Variants in BPTF observed in about 807,000 individuals in gnomAD.
BPTF encodes the protein nucleosome-remodeling factor subunit BPTF.
A neutral mutation model predicts 292.5 loss-of-function variants in BPTF; 18 were observed. The ratio of observed to expected loss-of-function variants is 0.06; its 90% CI spans 0.04 to 0.09. BPTF has a LOEUF of 0.09. Among genes scored for constraint, BPTF ranks in the 10% least tolerant of loss-of-function variants. The pLI, the probability that BPTF is intolerant of heterozygous loss-of-function variation, is 1.00. For missense variants in BPTF, 2,726 were observed against 3,498.7 expected (o/e 0.78, Z 5.57); for synonymous variants, 1,225 against 1,251.9 (o/e 0.98, Z 0.45).
intron 2 of BPTF, among the ~76,000 whole-genome samples, chr17:67,855,158 A>G (rs2145023593): frequency 6.6e-6 from 1 of 152,222 alleles, no homozygotes; most frequent in Non-Finnish European, 1.5e-5. Flanking sequence ...AAACTTAGCC[A>G]GGTGTGGTGG....
intron 26 of BPTF, among the ~76,000 whole-genome samples, chr17:67,971,997 A>G (rs1449782162): frequency 2.0e-5 from 3 of 152,140 alleles, no homozygotes; most frequent in South Asian, 4.1e-4. Context: ...TTTCAAAAGT[A>G]GTGTGTTTTA....
At chr17:67,978,264 C>G (rs2148653921) in intron 27 of BPTF, among the ~76,000 whole-genome samples, 1 of 150,302 alleles carries the variant, frequency 6.7e-6, no homozygotes, top group Admixed American at 6.7e-5. Flanking sequence ...AGTGCTGGGG[C>G]TGTGAACCAC....
chr17:67,906,074 G>T (rs995637280), intron 9 of BPTF, among the ~76,000 whole-genome samples: 10 of 151,866 alleles, frequency 6.6e-5, no homozygotes, highest in African/African-American at 2.4e-4. Context: ...GGTTTTTTTT[G>T]GGGGGAGGGG....
chr17:67,857,557 C>A (rs1032528207), intron 2 of BPTF, among the ~76,000 whole-genome samples: 1 of 151,426 alleles, frequency 6.6e-6, no homozygotes, highest in East Asian at 2.0e-4. Context: ...GCCTCGACCT[C>A]CTGGGCTCAA....
At chr17:67,849,976 T>G in intron 1 of BPTF, among the ~76,000 whole-genome samples, 1 of 152,122 alleles carries the variant, frequency 6.6e-6, no homozygotes, top group East Asian at 1.9e-4. Context: ...GACTCTATTC[T>G]AGGCCTATTG....
intron 1 of BPTF, among the ~76,000 whole-genome samples, chr17:67,836,711 C>A (rs2144144212): frequency 1.3e-5 from 2 of 152,284 alleles, no homozygotes; most frequent in South Asian, 4.1e-4. Context: ...ATCAAGAGAA[C>A]AAGTAGGCAG....
intron 23 of BPTF, chr17:67,956,582 T>G (rs1555681143): frequency 6.7e-6 from 1 of 148,964 alleles, no homozygotes; most frequent in Admixed American, 6.8e-5. Flanking sequence ...CCTCCCAGAG[T>G]GCTGGGATTA....
Position 67,826,129 on chromosome 17 carries a change from G to C in BPTF, c.405G>C (p.Glu135Asp). 1 of 1,424,756 alleles carries C rather than the reference G, an allele frequency of 7.0e-7. No individual in the cohort carries two copies. The highest frequency in any genetic ancestry group is 1.2e-5 in the South Asian group (1 of 86,512). 88.3% of individuals were successfully genotyped at this position (1,424,756 alleles called of 1,614,324 possible). A position where few individuals can be genotyped will look rare whatever the true frequency, so the allele number is the denominator to read the frequency against. Reference sequence around the variant, plus strand: ...ATGACCACGAGAGCGAGGAGGAGGAGGAAGAGGAGGACATGGTCTCCGAGG... The same window carrying C: ...ATGACCACGAGAGCGAGGAGGAGGACGAAGAGGAGGACATGGTCTCCGAGG... ...VYDDHESEEE[E>D]EEEDMVSEEE... is the part of the protein sequence containing the mutation. The change falls in exon 1 of 28, where the codon GAG becomes GAC. Residue 135 changes from glutamate to aspartate, a missense_variant. This residue lies in a region of BPTF where 153 missense variants were observed against 178.3 expected (regional missense o/e 0.86). Coordinates refer to ENST00000306378, the MANE Select transcript of BPTF (RefSeq NM_182641.4).
At chr17:67,941,754 T>C (rs2065383271) in intron 19 of BPTF, among the ~76,000 whole-genome samples, 1 of 152,166 alleles carries the variant, frequency 6.6e-6, no homozygotes, top group Non-Finnish European at 1.5e-5. Context: ...AAGGTAAAAC[T>C]ATAATACCTT....
rs781358774 is a variant in BPTF at position 67,826,059 on chromosome 17, C to G, written c.335C>G (p.Ala112Gly). ...GGCGGGGGCGGCGGCGGCCACCTGG[C>G]CCGGACCACCGCGGCCCGGAGGGCC... ...TGGGGGGGHL[A>G]RTTAARRAVN... is the part of the protein sequence containing the mutation. The change falls in exon 1 of 28, where the codon GCC (alanine) becomes GGC (glycine). Residue 112 changes from alanine to glycine, a missense_variant. By Grantham distance (60) the Ala-to-Gly change is moderately conservative. Coordinates refer to ENST00000306378, the MANE Select transcript of BPTF (RefSeq NM_182641.4). 6 of 1,263,220 alleles carry G rather than the reference C, an allele frequency of 4.7e-6. No homozygotes were observed. Among genetic ancestry groups the G allele is most frequent in the African/African-American group, 1.6e-5 (1 of 64,112 alleles). The allele number at this position is 1,263,220 out of a possible 1,614,324, so 78.3% of individuals were successfully genotyped here.
chr17:67,881,641 C>T (rs1045806252), intron 4 of BPTF, among the ~76,000 whole-genome samples: 1 of 150,966 alleles, frequency 6.6e-6, no homozygotes, highest in African/African-American at 2.4e-5. Context: ...GTAGCCAGGA[C>T]TATAGACGCG....
At position 67,920,161 on chromosome 17, in the gene BPTF, A is replaced by G. The variant is rs539109781; in HGVS notation, c.5557+18A>G. Reference sequence around the variant, plus strand: ...ACCAAAAGGTAAGAAATAGAATTCTATTCTTTCATGATTAACCTGTTAACC... The same window carrying G: ...ACCAAAAGGTAAGAAATAGAATTCTGTTCTTTCATGATTAACCTGTTAACC... On this transcript the variant is annotated intron_variant, in intron 13 of 27. Transcript: ENST00000306378. The G allele has an allele frequency of 3.1e-5, 50 of 1,603,606 alleles. No homozygotes were observed. The highest frequency in any genetic ancestry group is 1.7e-4 in the Middle Eastern group (1 of 6,042).
At chr17:67,831,281 C>T (rs1355255843) in intron 1 of BPTF, among the ~76,000 whole-genome samples, 1 of 152,088 alleles carries the variant, frequency 6.6e-6, no homozygotes, top group Admixed American at 6.6e-5. Context: ...AATGGTAGCA[C>T]TTTCAGTAAC....
chr17:67,888,225 C>G (rs951310053), intron 4 of BPTF, among the ~76,000 whole-genome samples: 1 of 152,122 alleles, frequency 6.6e-6, no homozygotes, highest in Non-Finnish European at 1.5e-5. Flanking sequence ...TCAAAAACCT[C>G]TTTCCCACAG....
intron 2 of BPTF, among the ~76,000 whole-genome samples, chr17:67,864,552 G>T (rs376697190): frequency 5.0e-4 from 73 of 144,846 alleles, no homozygotes; most frequent in Admixed American, 4.1e-3. Flanking sequence ...AAAAGGAAAA[G>T]AAAAAAGTTA....
chr17:67,833,768 A>G (rs1249938396), intron 1 of BPTF, among the ~76,000 whole-genome samples: 1 of 151,890 alleles, frequency 6.6e-6, no homozygotes, highest in East Asian at 1.9e-4. Context: ...GGGTTTCACC[A>G]TGTTGGCCTT....
rs1369745450 is a variant in BPTF, at chr17:67,945,423, A to G, written c.6715A>G (p.Arg2239Gly). ...STTAAGTGEQ[R>G]QSKLSPQMQV... ...CCTTTTTACAGGTACAGGTGAACAAAGGCAGAGTAAACTGTCACCCCAGAT... is the reference window on the plus strand; with the variant it reads ...CCTTTTTACAGGTACAGGTGAACAAGGGCAGAGTAAACTGTCACCCCAGAT... Residue 2239 changes from arginine to glycine, a missense_variant, in exon 21 of 28, where the codon AGG becomes GGG. By Grantham distance (125) the Arg-to-Gly change is moderately radical. Coordinates refer to ENST00000306378, the MANE Select transcript of BPTF (RefSeq NM_182641.4). 1 of 1,613,142 alleles carries G rather than the reference A, an allele frequency of 6.2e-7. No homozygotes were observed. Among genetic ancestry groups the G allele is most frequent in the Non-Finnish European group, 8.5e-7 (1 of 1,179,624 alleles).
At chr17:67,876,512 G>T (rs2060059396) in intron 4 of BPTF, among the ~76,000 whole-genome samples, 1 of 152,172 alleles carries the variant, frequency 6.6e-6, no homozygotes, top group African/African-American at 2.4e-5. Context: ...TGATCATTAA[G>T]ATCAAGAACA....
chr17:67,941,227 G>A (rs1157425239), intron 19 of BPTF, among the ~76,000 whole-genome samples: 2 of 152,170 alleles, frequency 1.3e-5, no homozygotes, highest in African/African-American at 4.8e-5. Context: ...AGGGCGGGTG[G>A]ATTGCTTGAG....
Sources: gnomAD v4.1 joint callset for allele counts (sites outside exome capture counted in the v4.1 genomes callset) on GRCh38, gnomAD v4.1.1 for gene constraint, gnomAD v4.1.1 regional missense constraint, MANE v1.5 for transcripts, NCBI Gene and HGNC (gene_info 2026-07-23, HGNC 2026-07-21) for gene names.